The following FRAS1 variants were observed in gnomAD, a reference collection of about 807,000 sequenced individuals.
The protein encoded by FRAS1 is extracellular matrix organizing protein FRAS1.
A neutral mutation model predicts 435.2 loss-of-function variants in FRAS1; 290 were observed. The observed-to-expected ratio is 0.67, with a 90% CI of 0.61 to 0.73. The LOEUF (loss-of-function observed/expected upper bound fraction) is 0.73, where lower values mean the gene tolerates loss of function less well. Among genes scored for constraint, FRAS1 ranks in the 30% least tolerant of loss-of-function variants. FRAS1 has a pLI of 0.00. For missense variants in FRAS1, 4,860 were observed against 5,001.5 expected, an observed-to-expected ratio of 0.97 and a Z score of 0.85; for synonymous variants, 1,800 against 1,851.0, an observed-to-expected ratio of 0.97 and a Z score of 0.71.
chr4:78,340,779 G>T (rs2110270280), intron 20 of FRAS1, among the ~76,000 whole-genome samples: 2 of 152,284 alleles, frequency 1.3e-5, no homozygotes, highest in South Asian at 2.1e-4. Flanking sequence ...CTTGTAGATG[G>T]TGGCCCTCTT....
At chr4:78,343,427 C>A (rs1208984913) in intron 20 of FRAS1, among the ~76,000 whole-genome samples, 1 of 138,076 alleles carries the variant, frequency 7.2e-6, no homozygotes, top group Non-Finnish European at 1.5e-5. Flanking sequence ...CCCTCCCTCC[C>A]TCCCTCCCTC....
intron 14 of FRAS1, among the ~76,000 whole-genome samples, chr4:78,298,365 T>C (rs1728246694): frequency 6.6e-6 from 1 of 151,862 alleles, no homozygotes; most frequent in African/African-American, 2.4e-5. Context: ...ACACACCTTA[T>C]AATATCATGT....
At chr4:78,412,316 T>C (rs1472853145) in intron 31 of FRAS1, among the ~76,000 whole-genome samples, 1 of 152,024 alleles carries the variant, frequency 6.6e-6, no homozygotes, top group East Asian at 1.9e-4. Context: ...AGAAAGAAGG[T>C]TTAAGAGGGT....
In FRAS1 at chr4:78,379,832, T is replaced by C; in HGVS notation, c.3399T>C (p.Gly1133=). The C allele has an allele frequency of 3.7e-6, 6 of 1,613,700 alleles. No homozygotes were observed. Among genetic ancestry groups the C allele is most frequent in the Non-Finnish European group, 5.1e-6 (6 of 1,179,806 alleles). Residue 1133 remains glycine, a synonymous_variant, in exon 27 of 74, where the codon GGT becomes GGC. Transcript: ENST00000512123. ...TCCTGAATGTCCAAGACCAGGAGGG[T>C]AGGGTCGAAGATCTCCTATTTCATG... ...FSLLNVQDQE[G]RVEDLLFHVV...
At chr4:78,235,562 A>G (rs1247126263) in intron 2 of FRAS1, among the ~76,000 whole-genome samples, 15 of 152,218 alleles carry the variant, frequency 9.9e-5, no homozygotes, top group Admixed American at 9.8e-4. Flanking sequence ...TTGCTTCCTA[A>G]GGATCTATAG....
intron 59 of FRAS1, among the ~76,000 whole-genome samples, chr4:78,490,818 G>A (rs904580212): frequency 3.3e-5 from 5 of 151,690 alleles, no homozygotes; most frequent in Admixed American, 1.3e-4. Flanking sequence ...CAGAACTGAA[G>A]GAGATAGAGA....
At chr4:78,307,065 G>A (rs903101060) in intron 14 of FRAS1, among the ~76,000 whole-genome samples, 15 of 152,180 alleles carry the variant, frequency 9.9e-5, no homozygotes, top group African/African-American at 3.6e-4. Flanking sequence ...CTTTCTGTTT[G>A]TTAGTTTTCC....
intron 73 of FRAS1, 78 bp from the exon 74 acceptor site, chr4:78,540,453 T>C: frequency 1.1e-6 from 1 of 869,886 alleles, no homozygotes. Context: ...AGGCATATAG[T>C]GGCAATTATC....
At chr4:78,465,482 T>G (rs986784632) in intron 49 of FRAS1, among the ~76,000 whole-genome samples, 1 of 152,224 alleles carries the variant, frequency 6.6e-6, no homozygotes, top group African/African-American at 2.4e-5. Context: ...GCAAAGACAT[T>G]ATTAAGCAAA....
intron 2 of FRAS1, among the ~76,000 whole-genome samples, chr4:78,197,433 C>T (rs1195775334): frequency 2.0e-5 from 3 of 152,098 alleles, no homozygotes; most frequent in Non-Finnish European, 2.9e-5. Flanking sequence ...TCATCTTCAT[C>T]CTCATCATCT....
Position 78,387,427 on chromosome 4 carries a change from C to T in FRAS1, c.3701C>T (p.Ala1234Val). 6.2e-7 allele frequency: 1 copy of T among 1,613,576 alleles called. No individual in the cohort carries two copies. The highest frequency in any genetic ancestry group is 8.5e-7 in the Non-Finnish European group (1 of 1,179,686). ...EVLHISRGER[A>V]TITTQMLDIR... ...CTCCACATTAGCAGAGGAGAGAGGGCAACCATCACCACCCAGATGCTTGAC... is the reference window on the plus strand; with the variant it reads ...CTCCACATTAGCAGAGGAGAGAGGGTAACCATCACCACCCAGATGCTTGAC... Residue 1234 changes from alanine (A) to valine (V), a missense_variant, in exon 29 of 74, where the codon GCA (alanine) becomes GTA (valine). By Grantham distance (64) the Ala-to-Val change is moderately conservative (BLOSUM62 0). Transcript: ENST00000512123.
intron 2 of FRAS1, among the ~76,000 whole-genome samples, chr4:78,131,556 CATA>C (rs530572205): frequency 9.2e-5 from 14 of 152,168 alleles, no homozygotes; most frequent in Non-Finnish European, 1.6e-4. Context: ...GCTAAGTCTT[CATA>C]ATAAAAGCAG....
chr4:78,492,291 A>C (rs557919663), intron 59 of FRAS1, among the ~76,000 whole-genome samples: 1 of 152,320 alleles, frequency 6.6e-6, no homozygotes, highest in East Asian at 1.9e-4. Flanking sequence ...ATTAGAAAAA[A>C]CTACTTTAAA....
At chr4:78,315,213 C>T (rs557419222) in intron 15 of FRAS1, among the ~76,000 whole-genome samples, 2 of 152,294 alleles carry the variant, frequency 1.3e-5, no homozygotes, top group East Asian at 3.9e-4. Context: ...TTGGTACATA[C>T]TTATGCTAAA....
Position 78,057,983 on chromosome 4 carries a change from T to C in FRAS1, c.-27T>C, listed in dbSNP as rs1739549625. The C allele has an allele frequency of 1.9e-6, 3 of 1,609,826 alleles. No individual in the cohort carries two copies. The highest frequency in any genetic ancestry group is 2.6e-6 in the Non-Finnish European group (3 of 1,176,286). On this transcript the variant is annotated 5_prime_UTR_variant, in exon 1 of 74. Transcript: ENST00000512123. This position sits in a 1 kb window ranked among gnomAD's most constrained non-coding sequence, Gnocchi z 4.2. Reference sequence around the variant, plus strand: ...GCTTCTTGGATGCTGAAGGCTGGGCTCCTCCATCGTGGGTGCCGAGGCGGC... The same window carrying C: ...GCTTCTTGGATGCTGAAGGCTGGGCCCCTCCATCGTGGGTGCCGAGGCGGC...
At chr4:78,164,050 C>T (rs369109720) in intron 2 of FRAS1, among the ~76,000 whole-genome samples, 1 of 152,148 alleles carries the variant, frequency 6.6e-6, no homozygotes, top group East Asian at 1.9e-4. Context: ...AATAAGCTGG[C>T]GATAGCTAGG....
intron 66 of FRAS1, 46 bp from the exon 67 acceptor site, chr4:78,519,285 A>T (rs373561622): frequency 6.9e-7 from 1 of 1,448,926 alleles, no homozygotes; most frequent in Non-Finnish European, 9.1e-7. Context: ...ATGTCTTTTC[A>T]TCCCAGGGGA....
intron 18 of FRAS1, among the ~76,000 whole-genome samples, chr4:78,332,910 C>A (rs564758496): frequency 6.6e-6 from 1 of 152,328 alleles, no homozygotes; most frequent in East Asian, 1.9e-4. Context: ...ACCCGATAAG[C>A]AGCAGAGTAT....
intron 32 of FRAS1, among the ~76,000 whole-genome samples, chr4:78,417,432 T>C (rs1733595562): frequency 6.6e-6 from 1 of 152,212 alleles, no homozygotes; most frequent in Admixed American, 6.5e-5. Context: ...TGTCTGTTAG[T>C]TGTACCCACA....
Sources: gnomAD v4.1 joint callset for allele counts (sites outside exome capture counted in the v4.1 genomes callset) on GRCh38, gnomAD v4.1.1 for gene constraint, Gnocchi (gnomAD v3.1) non-coding constraint, MANE v1.5 for transcripts, NCBI Gene and HGNC (gene_info 2026-07-23, HGNC 2026-07-21) for gene names.